Variants in SOX5 observed in about 807,000 individuals in gnomAD.
The protein encoded by SOX5 is SRY-box transcription factor 5, also known as transcription factor SOX-5.
A neutral mutation model predicts 92.0 loss-of-function variants in SOX5; 9 were observed. The observed-to-expected ratio is 0.10, with a 90% CI of 0.06 to 0.17. SOX5 has a LOEUF of 0.17. Among genes scored for constraint, SOX5 ranks in the 10% least tolerant of loss-of-function variants. The pLI is 1.00. For synonymous variants in SOX5, 344 were observed against 336.3 expected (o/e 1.02, Z -0.25); for missense variants, 642 against 944.5 (o/e 0.68, Z 4.20).
Position 23,979,698 on chromosome 12 carries a change from G to GTTTTTTTTTTTTTTT in SOX5, c.-1-83675_-1-83674insAAAAAAAAAAAAAAA, listed in dbSNP as rs67253622. Among the ~76,000 whole-genome samples, 175 of 64,704 alleles carry GTTTTTTTTTTTTTTT rather than the reference G, an allele frequency of 2.7e-3. 60 individuals are homozygous for GTTTTTTTTTTTTTTT. The highest frequency in any genetic ancestry group is 0.014 in the Middle Eastern group (1 of 74). 42.4% of individuals were successfully genotyped at this position (64,704 alleles called of 152,430 possible). ...TTCTTCCTTCCATATATATATATAT[G>GTTTTTTTTTTTTTTT]TTTTTTTTGTTTTTTTTTTTTTTTT... On this transcript the variant is annotated intron_variant, in intron 4 of 4. Coordinates refer to the SOX5 transcript ENST00000446891.
intron 7 of SOX5, among the ~76,000 whole-genome samples, chr12:23,655,443 A>C (rs1379532325): frequency 6.6e-6 from 1 of 152,144 alleles, no homozygotes. Flanking sequence ...GTCCCGAGAA[A>C]ATTCATCCAA....
intron 3 of SOX5, among the ~76,000 whole-genome samples, chr12:23,790,509 C>G (rs2095452559): frequency 6.8e-6 from 1 of 146,634 alleles, no homozygotes; most frequent in East Asian, 2.0e-4. Context: ...CTCCCTGGTA[C>G]CTCTCACAAC....
intron 3 of SOX5, among the ~76,000 whole-genome samples, chr12:24,225,593 C>G (rs1163170461): frequency 6.6e-6 from 1 of 152,016 alleles, no homozygotes; most frequent in African/African-American, 2.4e-5. Flanking sequence ...GCTACACACT[C>G]AGGAGAGTTG....
intron 4 of SOX5, among the ~76,000 whole-genome samples, chr12:24,100,540 G>A (rs931191104): frequency 2.0e-5 from 3 of 151,410 alleles, no homozygotes; most frequent in Non-Finnish European, 4.4e-5. Context: ...CAAATTGTTC[G>A]GGGAACCCTT....
chr12:24,325,229 T>G (rs1385142934), intron 2 of SOX5, among the ~76,000 whole-genome samples: 1 of 152,108 alleles, frequency 6.6e-6, no homozygotes, highest in Admixed American at 6.5e-5. Flanking sequence ...AATTGTTTAC[T>G]GTAAGGATGA....
intron 2 of SOX5, among the ~76,000 whole-genome samples, chr12:24,289,735 G>A (rs1946399077): frequency 8.3e-6 from 1 of 120,538 alleles, no homozygotes. Context: ...GATTACAGGC[G>A]TGAGCCACCG....
At chr12:23,952,053 A>G (rs565579380), upstream of SOX5, among the ~76,000 whole-genome samples, 223 of 152,340 alleles carry the variant, frequency 1.5e-3, 2 homozygotes, top group African/African-American at 4.9e-3. Context: ...GAATTAGGGT[A>G]TAGTAGCTGC....
At chr12:24,164,722 T>C (rs938407160) in intron 4 of SOX5, among the ~76,000 whole-genome samples, 1 of 152,112 alleles carries the variant, frequency 6.6e-6, no homozygotes. Context: ...ACTTGTGTTA[T>C]CTAAATGCTT....
chr12:23,871,877 T>A (rs2096876175), intron 2 of SOX5, among the ~76,000 whole-genome samples: 1 of 152,146 alleles, frequency 6.6e-6, no homozygotes, highest in African/African-American at 2.4e-5. Context: ...GCCCTGTCTA[T>A]AACAATAGAG....
At chr12:24,018,539 T>C (rs1451859864) in intron 4 of SOX5, among the ~76,000 whole-genome samples, 1 of 152,150 alleles carries the variant, frequency 6.6e-6, no homozygotes, top group African/African-American at 2.4e-5. Flanking sequence ...CTCATACCTG[T>C]AATCCCAGTA....
chr12:23,886,287 GTTA>G (rs1595377686), intron 2 of SOX5, among the ~76,000 whole-genome samples: 1 of 152,124 alleles, frequency 6.6e-6, no homozygotes, highest in East Asian at 1.9e-4. Flanking sequence ...ACTCCCTTAT[GTTA>G]TTTTTAAGAC....
chr12:24,362,866 GA>G (rs35979193), intron 2 of SOX5, among the ~76,000 whole-genome samples: 40,893 of 101,958 alleles, frequency 0.4, 6,483 homozygotes, highest in East Asian at 0.5. Context: ...AAACCACAGT[GA>G]AAAAAAAAAA....
intron 4 of SOX5, among the ~76,000 whole-genome samples, chr12:24,105,206 T>C (rs2138040871): frequency 6.6e-6 from 1 of 152,276 alleles, no homozygotes; most frequent in Non-Finnish European, 1.5e-5. Flanking sequence ...CAGTTTTTCA[T>C]CTAAGTCCTC....
intron 3 of SOX5, among the ~76,000 whole-genome samples, chr12:24,259,445 C>T (rs1749005495): frequency 6.6e-6 from 1 of 152,136 alleles, no homozygotes; most frequent in African/African-American, 2.4e-5. Context: ...GTAGACTGTG[C>T]TATGTATGTA....
chr12:23,581,965 C>T (rs1444559303), intron 9 of SOX5, among the ~76,000 whole-genome samples: 1 of 151,596 alleles, frequency 6.6e-6, no homozygotes, highest in Non-Finnish European at 1.5e-5. Context: ...TGTGATTGTC[C>T]CCATGTTTAT....
chr12:23,679,973 A>G (rs1164747219), intron 6 of SOX5, among the ~76,000 whole-genome samples: 1 of 151,700 alleles, frequency 6.6e-6, no homozygotes, highest in African/African-American at 2.4e-5. Context: ...GTAAAAAAAA[A>G]CTTGAAAGAA....
chr12:24,249,533 A>G (rs1005316934), intron 3 of SOX5, among the ~76,000 whole-genome samples: 69 of 152,308 alleles, frequency 4.5e-4, no homozygotes, highest in Middle Eastern at 6.8e-3. Context: ...AATTTTACTC[A>G]TCATTACATA....
intron 1 of SOX5, among the ~76,000 whole-genome samples, chr12:24,424,478 A>G (rs1161496421): frequency 6.6e-6 from 1 of 152,092 alleles, no homozygotes; most frequent in Non-Finnish European, 1.5e-5. Flanking sequence ...ACTAGTGTTT[A>G]AACAAGCACT....
rs1565915954 is a variant in SOX5 at position 23,570,962 on chromosome 12, T to A, written c.1342+4699A>T. Among the ~76,000 whole-genome samples the A allele has an allele frequency of 2.0e-4, 18 of 92,244 alleles. 1 individual carries two copies. The highest frequency in any genetic ancestry group is 1.1e-3 in the South Asian group (3 of 2,738). The allele number at this position is 92,244 out of a possible 152,430, so 60.5% of individuals were successfully genotyped here. A position where few individuals can be genotyped will look rare whatever the true frequency, so the allele number is the denominator to read the frequency against. On this transcript the variant is annotated intron_variant, in intron 10 of 14. Coordinates refer to ENST00000451604, the MANE Select transcript of SOX5 (RefSeq NM_006940.6). ...ATATATATATATATATATATATATATATATATATATATATATATATATTTT... is the reference window on the plus strand; with the variant it reads ...ATATATATATATATATATATATATAAATATATATATATATATATATATTTT...
Sources: gnomAD v4.1 joint callset for allele counts (sites outside exome capture counted in the v4.1 genomes callset) on GRCh38, gnomAD v4.1.1 for gene constraint, MANE v1.5 for transcripts, NCBI Gene and HGNC (gene_info 2026-07-23, HGNC 2026-07-21) for gene names.